PCDHA1: variants seen among roughly 807,000 people sequenced by gnomAD.
PCDHA1 encodes the protein protocadherin alpha-1.
PCDHA1 carries 42 observed loss-of-function variants against 61.3 expected under a neutral mutation model. That is an observed-to-expected ratio of 0.69 (90% confidence interval 0.54 to 0.89). PCDHA1 has a LOEUF of 0.89. Among genes scored for constraint, PCDHA1 ranks in the 40% least tolerant of loss-of-function variants. The pLI, the probability that PCDHA1 is intolerant of heterozygous loss-of-function variation, is 0.00. For missense variants in PCDHA1, 1,256 were observed against 1,235.3 expected, an observed-to-expected ratio of 1.02 and a Z score of -0.25; for synonymous variants, 610 against 553.8, an observed-to-expected ratio of 1.10 and a Z score of -1.43.
intron 1 of PCDHA1, chr5:140,877,218 G>A: frequency 6.2e-7 from 1 of 1,613,726 alleles, no homozygotes; most frequent in Non-Finnish European, 8.5e-7. Context: ...AGTTGGTACC[G>A]CGGTCGGTGG....
intron 1 of PCDHA1, chr5:140,821,980 G>A (rs1554128359): frequency 9.3e-6 from 15 of 1,614,138 alleles, no homozygotes; most frequent in South Asian, 4.4e-5. Context: ...GGCGTCCAAG[G>A]GCCGCGGGGA....
chr5:140,795,809 G>A (rs1554119572), intron 1 of PCDHA1: 1 of 1,613,026 alleles, frequency 6.2e-7, no homozygotes, highest in Admixed American at 1.7e-5. Context: ...TATTCACTCG[G>A]TAGTGATGTG....
At chr5:140,979,486 C>T (rs1222755275) in intron 2 of PCDHA1, among the ~76,000 whole-genome samples, 1 of 152,032 alleles carries the variant, frequency 6.6e-6, no homozygotes, top group African/African-American at 2.4e-5. Flanking sequence ...TGTGTTCACA[C>T]CTATTAGAGC....
chr5:140,934,534 GTTCTAA>G (rs1488792046), intron 1 of PCDHA1, among the ~76,000 whole-genome samples: 7 of 152,064 alleles, frequency 4.6e-5, no homozygotes, highest in Non-Finnish European at 7.4e-5. Flanking sequence ...GAGAGCTACC[GTTCTAA>G]TTCTATCATT....
At chr5:140,947,769 A>T (rs2094173274) in intron 1 of PCDHA1, among the ~76,000 whole-genome samples, 1 of 151,626 alleles carries the variant, frequency 6.6e-6, no homozygotes, top group Non-Finnish European at 1.5e-5. Context: ...AAAAAATTCT[A>T]TTGTAAATGG....
At position 141,010,191 on chromosome 5, in the gene PCDHA1, C is replaced by T; in HGVS notation, c.*254C>T. 1 of 1,552,476 alleles carries T rather than the reference C, an allele frequency of 6.4e-7. No homozygotes were observed. The highest frequency in any genetic ancestry group is 1.4e-5 in the African/African-American group (1 of 73,166). ...AACCTAAAAAGCAGACCCAAGTTTCCTTTCTCCTCCGCCGCAAAGGAGAGG... is the reference window on the plus strand; with the variant it reads ...AACCTAAAAAGCAGACCCAAGTTTCTTTTCTCCTCCGCCGCAAAGGAGAGG... On this transcript the variant is annotated 3_prime_UTR_variant, in exon 4 of 4. Transcript: ENST00000504120.
intron 1 of PCDHA1, among the ~76,000 whole-genome samples, chr5:140,898,820 G>A (rs1303151513): frequency 6.6e-6 from 1 of 152,208 alleles, no homozygotes; most frequent in Admixed American, 6.5e-5. Context: ...TCCTACCCAT[G>A]AGCATGGAAT....
intron 2 of PCDHA1, among the ~76,000 whole-genome samples, chr5:140,981,776 A>T (rs908868836): frequency 2.4e-4 from 36 of 151,980 alleles, no homozygotes; most frequent in African/African-American, 8.0e-4. Context: ...TGAATACTGC[A>T]CCATGTTCTC....
chr5:140,954,102 A>G (rs2094980163), intron 1 of PCDHA1, among the ~76,000 whole-genome samples: 1 of 152,186 alleles, frequency 6.6e-6, no homozygotes, highest in South Asian at 2.1e-4. Flanking sequence ...TGTCCCTGCA[A>G]AGGACAAGAT....
chr5:140,827,601 G>C (rs1237509481), intron 1 of PCDHA1, among the ~76,000 whole-genome samples: 1 of 152,162 alleles, frequency 6.6e-6, no homozygotes, highest in African/African-American at 2.4e-5. Flanking sequence ...ACAGATGTGG[G>C]CAAGTTTCTT....
At chr5:140,871,438 C>G (rs1246532449) in intron 1 of PCDHA1, 3 of 1,611,836 alleles carry the variant, frequency 1.9e-6, no homozygotes, top group Middle Eastern at 1.7e-4. Flanking sequence ...TCCTCTAGGT[C>G]TGAATAAAGA....
At chr5:140,938,709 T>C (rs1473474040) in intron 1 of PCDHA1, among the ~76,000 whole-genome samples, 2 of 152,176 alleles carry the variant, frequency 1.3e-5, no homozygotes, top group African/African-American at 2.4e-5. Context: ...ATGTTTATGA[T>C]AGAAACGCGT....
rs574487083 is a variant in PCDHA1 at position 140,915,476 on chromosome 5, T to C, written c.2395-63473T>C. Among the ~76,000 whole-genome samples the C allele has an allele frequency of 2.0e-5, 3 of 152,296 alleles. No homozygotes were observed. The South Asian group carries it at 6.2e-4, about 32-fold the overall frequency. On this transcript the variant is annotated intron_variant, in intron 1 of 3. Transcript: ENST00000504120. ...CCAGAAGGTTTTTATTTGAAGGAGC[T>C]TGGGCCTCAATCCCAATAATACTGT...
Position 140,853,795 on chromosome 5 carries a change from T to C in PCDHA1, c.2394+65111T>C. On this transcript the variant is annotated intron_variant, in intron 1 of 3. Coordinates refer to ENST00000504120, the MANE Select transcript of PCDHA1 (RefSeq NM_018900.4). ...AATGGGTAGTAAGAGCAAATTTTCA[T>C]TTTAAAGCACACCTGAGATGATTCT... is the stretch of plus-strand genomic sequence containing the variant. 3 of 987,582 alleles carry C rather than the reference T, an allele frequency of 3.0e-6. 1 individual carries two copies. The highest frequency in any genetic ancestry group is 3.7e-6 in the Non-Finnish European group (3 of 819,504). The allele number at this position is 987,582 out of a possible 1,614,324, so 61.2% of individuals were successfully genotyped here.
At chr5:140,918,941 T>C (rs1476342004) in intron 1 of PCDHA1, among the ~76,000 whole-genome samples, 1 of 152,228 alleles carries the variant, frequency 6.6e-6, no homozygotes, top group East Asian at 1.9e-4. Context: ...TTTGTTATAA[T>C]ATCCTGAACA....
At chr5:140,870,611 T>C in intron 1 of PCDHA1, 1 of 1,613,258 alleles carries the variant, frequency 6.2e-7, no homozygotes, top group Non-Finnish European at 8.5e-7. Flanking sequence ...GACCGCGCGC[T>C]GTCGAGCTAC....
chr5:140,802,674 T>C, intron 1 of PCDHA1: 1 of 1,613,392 alleles, frequency 6.2e-7, no homozygotes, highest in Non-Finnish European at 8.5e-7. Flanking sequence ...GGTGTCCTAC[T>C]CGCTGGTGGA....
At chr5:140,834,558 C>G (rs2150220968) in intron 1 of PCDHA1, 1 of 1,614,104 alleles carries the variant, frequency 6.2e-7, no homozygotes, top group East Asian at 2.2e-5. Context: ...GCTGGCGGAG[C>G]TGGTGCCGCG....
At chr5:140,980,279 AAAAGTACC>A (rs1554241598) in intron 2 of PCDHA1, among the ~76,000 whole-genome samples, 2 of 152,236 alleles carry the variant, frequency 1.3e-5, no homozygotes, top group African/African-American at 4.8e-5. Flanking sequence ...CCAACTCTTG[AAAAGTACC>A]AAAGCTATGA....
Sources: gnomAD v4.1 joint callset for allele counts (sites outside exome capture counted in the v4.1 genomes callset) on GRCh38, gnomAD v4.1.1 for gene constraint, MANE v1.5 for transcripts, NCBI Gene and HGNC (gene_info 2026-07-23, HGNC 2026-07-21) for gene names.